The following VSNL1 variants were observed in gnomAD, a reference collection of about 807,000 sequenced individuals.
The protein encoded by VSNL1 is visinin-like protein 1.
A neutral mutation model predicts 20.4 loss-of-function variants in VSNL1; 6 were observed. The observed-to-expected ratio is 0.29, with a 90% CI of 0.16 to 0.58. The LOEUF is 0.58. Ranked by LOEUF, VSNL1 falls within the 20% of genes least tolerant of loss-of-function variation. The probability of loss-of-function intolerance (pLI) is 0.90; values close to 1 mark genes in which losing one functional copy is unlikely to be tolerated. For synonymous variants in VSNL1, 93 were observed against 86.4 expected (o/e 1.08, Z -0.42); for missense variants, 100 against 234.5 (o/e 0.43, Z 3.75).
chr2:17,634,477 G>A lies in VSNL1; in HGVS notation c.163-14933G>A, dbSNP rs527789844. ...TTGCATTTAGCGGTCTTCTCAACAC[G>A]TGTCCAGGGAAGAAGCAAGAAATAA... On this transcript the variant is annotated intron_variant, in intron 2 of 3. Transcript: ENST00000295156. This position sits in a 1 kb window ranked among gnomAD's most constrained non-coding sequence, Gnocchi z 4.3. Among the ~76,000 whole-genome samples the A allele has an allele frequency of 8.5e-5, 13 of 152,254 alleles. No homozygotes were observed. Among genetic ancestry groups the A allele is most frequent in the Admixed American group, 4.6e-4 (7 of 15,290 alleles).
intron 1 of VSNL1, among the ~76,000 whole-genome samples, chr2:17,554,137 T>C (rs1025556366): frequency 2.0e-5 from 3 of 152,178 alleles, no homozygotes; most frequent in Non-Finnish European, 4.4e-5. Context: ...TTAGAGAATG[T>C]AAAGTGAGCA....
intron 1 of VSNL1, among the ~76,000 whole-genome samples, chr2:17,588,052 C>A (rs1318292567): frequency 1.3e-5 from 2 of 152,200 alleles, no homozygotes; most frequent in Admixed American, 6.5e-5. Flanking sequence ...GTGCCTAGCA[C>A]TGAACTTCTC....
At chr2:17,640,252 CAAAA>C (rs60583462) in intron 2 of VSNL1, among the ~76,000 whole-genome samples, 80 of 98,838 alleles carry the variant, frequency 8.1e-4, no homozygotes, top group Middle Eastern at 5.7e-3. Flanking sequence ...GACTCTGTTT[CAAAA>C]AAAAAAAAAA....
intron 1 of VSNL1, among the ~76,000 whole-genome samples, chr2:17,582,806 G>A (rs1664381181): frequency 6.6e-6 from 1 of 151,820 alleles, no homozygotes; most frequent in African/African-American, 2.4e-5. Context: ...ACATTATCTA[G>A]TATTCCCAAA....
chr2:17,593,813 A>G (rs1413251497), intron 2 of VSNL1, among the ~76,000 whole-genome samples: 3 of 152,216 alleles, frequency 2.0e-5, no homozygotes, highest in Non-Finnish European at 4.4e-5. Flanking sequence ...TGTATTTCCT[A>G]GATAACCATA....
chr2:17,541,761 G>C (rs1042081925), intron 1 of VSNL1: 9 of 152,344 alleles, frequency 5.9e-5, no homozygotes, highest in African/African-American at 2.2e-4. Context: ...TCCTTGCCCA[G>C]AAACTGGAAG....
intron 2 of VSNL1, among the ~76,000 whole-genome samples, chr2:17,595,337 C>G (rs747516789): frequency 1.2e-4 from 18 of 152,300 alleles, no homozygotes; most frequent in Non-Finnish European, 2.5e-4. Flanking sequence ...CCTGCCTGCC[C>G]TCCCGAATTT....
At chr2:17,622,406 G>C (rs371623892) in intron 2 of VSNL1, among the ~76,000 whole-genome samples, 18 of 150,824 alleles carry the variant, frequency 1.2e-4, no homozygotes, top group African/African-American at 3.2e-4. Context: ...GCTGAGGCAG[G>C]AGAATCACTT....
chr2:17,594,890 T>C (rs1558293705), intron 2 of VSNL1, among the ~76,000 whole-genome samples: 1 of 152,216 alleles, frequency 6.6e-6, no homozygotes, highest in East Asian at 1.9e-4. Flanking sequence ...TCAGCAGATA[T>C]ATTTTTAAAA....
intron 2 of VSNL1, among the ~76,000 whole-genome samples, chr2:17,632,071 G>A (rs575740466): frequency 6.6e-6 from 1 of 152,158 alleles, no homozygotes; most frequent in South Asian, 2.1e-4. Flanking sequence ...ATTTTTAGTA[G>A]AGACGGTTTT....
At chr2:17,592,992 GA>G (rs1176288067) in intron 2 of VSNL1, among the ~76,000 whole-genome samples, 1 of 152,078 alleles carries the variant, frequency 6.6e-6, no homozygotes, top group East Asian at 1.9e-4. Flanking sequence ...ACAAGTGAAA[GA>G]AATACATTTT....
At chr2:17,595,956 G>C (rs1664701640) in intron 2 of VSNL1, among the ~76,000 whole-genome samples, 1 of 152,058 alleles carries the variant, frequency 6.6e-6, no homozygotes, top group Non-Finnish European at 1.5e-5. Flanking sequence ...ACGTTATATT[G>C]TTCAAATATA....
At chr2:17,582,906 C>T (rs537823735) in intron 1 of VSNL1, among the ~76,000 whole-genome samples, 33 of 152,036 alleles carry the variant, frequency 2.2e-4, no homozygotes, top group Admixed American at 3.3e-4. Context: ...TAAAAGTTTG[C>T]TGAATAAATG....
chr2:17,615,904 A>C (rs1315492048), intron 2 of VSNL1, among the ~76,000 whole-genome samples: 1 of 152,228 alleles, frequency 6.6e-6, no homozygotes, highest in East Asian at 1.9e-4. Context: ...CTTGGACAGG[A>C]AATAATAATG....
At chr2:17,599,413 A>G (rs116343088) in intron 2 of VSNL1, among the ~76,000 whole-genome samples, 1,826 of 152,322 alleles carry the variant, frequency 0.012, 28 homozygotes, top group African/African-American at 0.041. Flanking sequence ...CCCTGTTCCT[A>G]TTGTGTTGGC....
chr2:17,575,084 T>G (rs1664174187), intron 1 of VSNL1, among the ~76,000 whole-genome samples: 2 of 152,184 alleles, frequency 1.3e-5, no homozygotes, highest in South Asian at 4.1e-4. Flanking sequence ...CTGCCCTGCC[T>G]CCCAAAGTGC....
rs914801098 is a variant in VSNL1 at position 17,616,409 on chromosome 2, T to C, written c.162+24173T>C. Among the ~76,000 whole-genome samples, 3 of 152,222 alleles carry C rather than the reference T, an allele frequency of 2.0e-5. No individual in the cohort carries two copies. The East Asian group carries it at 5.8e-4, about 29-fold the overall frequency. The stretch of plus-strand genomic sequence containing the variant: ...CTCCAATCGGTGACTTTCTTTATCA[T>C]GAAGGGTTATGAAATGGCATAGTGT... On this transcript the variant is annotated intron_variant, in intron 2 of 3. Transcript: ENST00000295156.
chr2:17,596,149 A>G (rs1355486280), intron 2 of VSNL1, among the ~76,000 whole-genome samples: 2 of 152,150 alleles, frequency 1.3e-5, no homozygotes, highest in East Asian at 3.9e-4. Flanking sequence ...CTCTGTTGTC[A>G]CATGCGTTCT....
chr2:17,648,630 C>T (rs1051431002), intron 2 of VSNL1, among the ~76,000 whole-genome samples: 15 of 152,238 alleles, frequency 9.9e-5, no homozygotes, highest in Non-Finnish European at 2.1e-4. Flanking sequence ...ATCAGAACTA[C>T]CTGCTGTTTG....
Sources: allele counts gnomAD v4.1 joint callset (sites outside exome capture counted in the v4.1 genomes callset), GRCh38; gene constraint gnomAD v4.1.1; non-coding constraint Gnocchi (gnomAD v3.1); transcripts MANE v1.5; gene names NCBI Gene and HGNC (gene_info 2026-07-23, HGNC 2026-07-21).